PPIE: variants seen among roughly 807,000 people sequenced by gnomAD.
PPIE encodes the protein peptidylprolyl isomerase E, also known as peptidyl-prolyl cis-trans isomerase E.
Under a neutral mutation model 38.4 loss-of-function variants are expected in PPIE, and 20 were observed. The observed-to-expected ratio is 0.52, with a 90% CI of 0.37 to 0.76. The LOEUF (loss-of-function observed/expected upper bound fraction) is 0.76, where lower values mean the gene tolerates loss of function less well. Among genes scored for constraint, PPIE ranks in the 30% least tolerant of loss-of-function variants. The pLI is 0.00. For synonymous variants in PPIE, 142 were observed against 135.7 expected (o/e 1.05, Z -0.32); for missense variants, 322 against 385.8 (o/e 0.83, Z 1.39).
intron 9 of PPIE, chr1:39,762,973 ACAAAGC>A: frequency 7.8e-7 from 1 of 1,289,352 alleles, no homozygotes; most frequent in Middle Eastern, 1.9e-4. Flanking sequence ...GACTGTGCAG[ACAAAGC>A]CCCCTGAGAC....
chr1:39,762,792 C>CT, intron 9 of PPIE: 1 of 1,256,886 alleles, frequency 8.0e-7, no homozygotes, highest in Non-Finnish European at 1.1e-6. Flanking sequence ...TGCTGTGCCT[C>CT]TGAGCGCTGC....
chr1:39,762,956 C>A lies in PPIE; in HGVS notation c.838-733C>A, dbSNP rs189761749. On this transcript the variant is annotated intron_variant, in intron 9 of 9. Coordinates refer to the PPIE transcript ENST00000356511. ...CTGCAGAGCTGTGGGAAGTTAGCGA[C>A]GTTACTGACTGTGCAGACAAAGCCC... is the stretch of plus-strand genomic sequence containing the variant. 2.1e-5 allele frequency: 23 copies of A among 1,121,678 alleles called. No homozygotes were observed. In the African/African-American group the frequency reaches 2.6e-4, roughly 13 times the overall value. The allele number at this position is 1,121,678 out of a possible 1,614,324, so 69.5% of individuals were successfully genotyped here.
chr1:39,756,815 T>G (rs1245323946), downstream of PPIE, among the ~76,000 whole-genome samples: 1 of 152,248 alleles, frequency 6.6e-6, no homozygotes, highest in Non-Finnish European at 1.5e-5. Flanking sequence ...TTGAATTGTA[T>G]TTTATTTTTT....
chr1:39,741,179 A>G (rs1036554505), intron 2 of PPIE, among the ~76,000 whole-genome samples, 187 bp from the exon 3 acceptor site: 1 of 152,242 alleles, frequency 6.6e-6, no homozygotes, highest in African/African-American at 2.4e-5. Flanking sequence ...TTAAAAAAAC[A>G]AAGTTTATTA....
intron 6 of PPIE, 30 bp downstream of exon 6, chr1:39,743,954 C>T (rs761908100): frequency 6.6e-7 from 1 of 1,523,104 alleles, no homozygotes; most frequent in Non-Finnish European, 9.0e-7. Flanking sequence ...TTCCAGAGCA[C>T]AGGCCGGCGC....
rs1008798085 is a variant in PPIE at position 39,753,129 on chromosome 1, G to A, written c.837+77G>A. ...CCTGTGTGAGGGCTGGAGAGTCTCT[G>A]TGGCCTGAGAGAGATGGCCAGGGGC... On this transcript the variant is annotated intron_variant, in intron 9 of 9. Coordinates refer to ENST00000324379, the MANE Select transcript of PPIE (RefSeq NM_006112.4). 27 of 1,601,310 alleles carry A rather than the reference G, an allele frequency of 1.7e-5. No individual in the cohort carries two copies. In the African/African-American group the frequency reaches 3.5e-4, roughly 21 times the overall value.
At chr1:39,758,568 C>T (rs1376446232), downstream of PPIE, 1 of 152,270 alleles carries the variant, frequency 6.6e-6, no homozygotes, top group African/African-American at 2.4e-5. Context: ...TGACAGCCAC[C>T]AGAGCCCCAC....
At chr1:39,749,169 G>C (rs759095720) in intron 8 of PPIE, 81 bp downstream of exon 8, 18 of 1,429,024 alleles carry the variant, frequency 1.3e-5, no homozygotes, top group Non-Finnish European at 1.7e-5. Context: ...ACAGGTTGTA[G>C]TTCTGGCTGG....
chr1:39,747,664 A>G (rs1647286205), intron 7 of PPIE: 1 of 151,438 alleles, frequency 6.6e-6, no homozygotes, highest in East Asian at 2.0e-4. Context: ...AGGTTTCACC[A>G]TGTTGGTTGG....
At chr1:39,761,938 T>A (rs1238850146) in intron 9 of PPIE, among the ~76,000 whole-genome samples, 5 of 152,362 alleles carry the variant, frequency 3.3e-5, no homozygotes. Context: ...GTTGAGCCCC[T>A]GAGGGGCAGG....
intron 2 of PPIE, among the ~76,000 whole-genome samples, chr1:39,740,669 T>TC (rs1338092519): frequency 6.6e-6 from 1 of 152,198 alleles, no homozygotes; most frequent in Admixed American, 6.5e-5. Flanking sequence ...GGGCGGGGGT[T>TC]CTTGGCCTCT....
At chr1:39,749,994 G>T (rs784198) in intron 8 of PPIE, among the ~76,000 whole-genome samples, 5,995 of 152,174 alleles carry the variant, frequency 0.039, 375 homozygotes, top group African/African-American at 0.14. Flanking sequence ...TTAGCCGGGC[G>T]TGGTGGCGCG....
intron 2 of PPIE, among the ~76,000 whole-genome samples, chr1:39,740,626 G>A (rs6664570): frequency 0.31 from 47,356 of 152,120 alleles, 7,770 homozygotes; most frequent in South Asian, 0.41. Flanking sequence ...ATGAGGCAGC[G>A]GGAAAGCCTA....
In PPIE at chr1:39,762,918, T is replaced by A. The variant is rs572675527; in HGVS notation, c.838-771T>A. On this transcript the variant is annotated intron_variant, in intron 9 of 9. Coordinates refer to the PPIE transcript ENST00000356511. ...CGAGTCTACGTGTAGTGTGGCTGTA[T>A]AAGGACCAGTTCCTGCAGAGCTGTG... 9.2e-4 allele frequency among the ~76,000 whole-genome samples: 140 copies of A among 152,320 alleles called. 1 individual carries two copies. The highest frequency in any genetic ancestry group is 3.2e-3 in the African/African-American group (131 of 41,552).
Position 39,756,714 on chromosome 1 carries a change from A to T in PPIE, c.*3359A>T. Reference sequence around the variant, plus strand: ...AAAAATATCTGTAATATGTAAGCATAGGTATTTGTATATCTTAAGAAAAAA... The same window carrying T: ...AAAAATATCTGTAATATGTAAGCATTGGTATTTGTATATCTTAAGAAAAAA... On this transcript the variant is annotated 3_prime_UTR_variant, in exon 10 of 10. Transcript: ENST00000324379. The T allele has an allele frequency of 1.7e-6, 1 of 602,350 alleles. No homozygotes were observed. Among genetic ancestry groups the T allele is most frequent in the African/African-American group, 2.0e-5 (1 of 49,854 alleles). The allele number at this position is 602,350 out of a possible 1,614,324, so 37.3% of individuals were successfully genotyped here.
In PPIE at chr1:39,743,307, A is replaced by G; in HGVS notation, c.283+10A>G. On this transcript the variant is annotated intron_variant, in intron 5 of 9. Transcript: ENST00000324379. ...GGCTCTTCCAGGCCAGGTGAGTAGGAGCAACTTCCAGATTCCCTGTGATGT... is the reference window on the plus strand; with the variant it reads ...GGCTCTTCCAGGCCAGGTGAGTAGGGGCAACTTCCAGATTCCCTGTGATGT... 1.2e-6 allele frequency: 2 copies of G among 1,611,818 alleles called. No homozygotes were observed. The highest frequency in any genetic ancestry group is 1.7e-6 in the Non-Finnish European group (2 of 1,177,884).
chr1:39,762,218 CGTGT>C (rs147925567), intron 9 of PPIE: 5 of 282,890 alleles, frequency 1.8e-5, no homozygotes, highest in Non-Finnish European at 2.6e-5. Context: ...AGTGTGCGCA[CGTGT>C]GTGTGTGTGT....
chr1:39,752,783 T>A (rs1356883346), intron 8 of PPIE, 127 bp from the exon 9 acceptor site: 4 of 1,109,576 alleles, frequency 3.6e-6, no homozygotes, highest in Non-Finnish European at 5.1e-6. Context: ...GTGGCCGCAT[T>A]TGCATGTGAT....
At chr1:39,740,931 TC>T (rs1236310818) in intron 2 of PPIE, among the ~76,000 whole-genome samples, 4 of 152,238 alleles carry the variant, frequency 2.6e-5, no homozygotes, top group African/African-American at 9.7e-5. Flanking sequence ...GCTTGGTCTT[TC>T]TAGTTAGTTC....
Sources: allele counts gnomAD v4.1 joint callset (sites outside exome capture counted in the v4.1 genomes callset), GRCh38; gene constraint gnomAD v4.1.1; transcripts MANE v1.5; gene names NCBI Gene and HGNC (gene_info 2026-07-23, HGNC 2026-07-21).